The following RECK variants were observed in gnomAD, a reference collection of about 807,000 sequenced individuals.
RECK encodes the protein reversion-inducing cysteine-rich protein with Kazal motifs.
In RECK, 69 loss-of-function variants were observed where a neutral mutation model predicts 115.1. That is an observed-to-expected ratio of 0.60 (90% CI 0.49 to 0.73). The LOEUF (loss-of-function observed/expected upper bound fraction) is 0.73, where lower values mean the gene tolerates loss of function less well. Among genes scored for constraint, RECK ranks in the 30% least tolerant of loss-of-function variants. The probability of loss-of-function intolerance (pLI) is 0.00; values close to 1 mark genes in which losing one functional copy is unlikely to be tolerated. For synonymous variants in RECK, 414 were observed against 419.7 expected, an observed-to-expected ratio of 0.99 and a Z score of 0.17; for missense variants, 1,047 against 1,203.7, an observed-to-expected ratio of 0.87 and a Z score of 1.93.
intron 1 of RECK, among the ~76,000 whole-genome samples, chr9:36,038,216 G>A (rs1820745570): frequency 6.6e-6 from 1 of 151,996 alleles, no homozygotes. Flanking sequence ...GCGAGGCTGA[G>A]ATACGAGGAT....
chr9:36,038,196 C>T (rs964199860), intron 1 of RECK, among the ~76,000 whole-genome samples: 1 of 151,894 alleles, frequency 6.6e-6, no homozygotes, highest in African/African-American at 2.4e-5. Flanking sequence ...GCCTGTTGTT[C>T]CAGCTACCCG....
At chr9:36,069,891 C>T (rs12346729) in intron 6 of RECK, among the ~76,000 whole-genome samples, 13,364 of 152,106 alleles carry the variant, frequency 0.088, 716 homozygotes, top group East Asian at 0.29. Flanking sequence ...AGAAGACCAA[C>T]GACTGATTTC....
chr9:36,043,010 C>CTTTTTT lies in RECK; in HGVS notation c.100+5937_100+5942dup, dbSNP rs61673918. 5.3e-3 allele frequency among the ~76,000 whole-genome samples: 318 copies of CTTTTTT among 59,464 alleles called. 64 individuals carry two copies. The highest frequency in any genetic ancestry group is 0.013 in the East Asian group (19 of 1,482). 39.0% of individuals were successfully genotyped at this position (59,464 alleles called of 152,430 possible). Reference sequence around the variant, plus strand: ...ACTGTCTATTCATGTCCTTAGCCCACTTTTTTTTTTTTTTTTTTTTTTTTT... The same window carrying CTTTTTT: ...ACTGTCTATTCATGTCCTTAGCCCACTTTTTTTTTTTTTTTTTTTTTTTTTTTTTTT... On this transcript the variant is annotated intron_variant, in intron 1 of 20. Transcript: ENST00000377966.
intron 10 of RECK, among the ~76,000 whole-genome samples, chr9:36,092,684 G>A (rs892779386): frequency 6.6e-6 from 1 of 151,560 alleles, no homozygotes; most frequent in African/African-American, 2.4e-5. Flanking sequence ...GAGCCACCAC[G>A]AGTGGCCAAC....
At chr9:36,079,513 A>G (rs1046078112) in intron 6 of RECK, among the ~76,000 whole-genome samples, 1 of 152,226 alleles carries the variant, frequency 6.6e-6, no homozygotes, top group Admixed American at 6.5e-5. Flanking sequence ...AGTGTGGCAT[A>G]TTCCTACAAT....
intron 6 of RECK, among the ~76,000 whole-genome samples, chr9:36,077,908 G>A (rs1822512991): frequency 6.6e-6 from 1 of 152,086 alleles, no homozygotes; most frequent in Admixed American, 6.6e-5. Flanking sequence ...TGCTTAGCGT[G>A]AGGTAGCCAT....
chr9:36,098,103 CAA>C (rs898817378), intron 10 of RECK, among the ~76,000 whole-genome samples: 5 of 152,044 alleles, frequency 3.3e-5, no homozygotes, highest in African/African-American at 1.2e-4. Flanking sequence ...TCAAAGGACA[CAA>C]AATTTTATTT....
At chr9:36,065,316 T>G (rs531557152) in intron 5 of RECK, among the ~76,000 whole-genome samples, 1 of 151,528 alleles carries the variant, frequency 6.6e-6, no homozygotes, top group Non-Finnish European at 1.5e-5. Flanking sequence ...AAGGACTGTG[T>G]TGTTATGTGA....
At chr9:36,083,920 T>C (rs1041514407) in intron 8 of RECK, among the ~76,000 whole-genome samples, 1 of 152,128 alleles carries the variant, frequency 6.6e-6, no homozygotes, top group African/African-American at 2.4e-5. Flanking sequence ...CTTATATAAA[T>C]TTGCAAAAAT....
At chr9:36,060,051 T>C in intron 3 of RECK, 68 bp from the exon 4 acceptor site, 1 of 1,413,760 alleles carries the variant, frequency 7.1e-7, no homozygotes, top group Non-Finnish European at 1.0e-6. Flanking sequence ...ATAATTTCTG[T>C]AGAAATTAAT....
intron 2 of RECK, 100 bp downstream of exon 2, chr9:36,052,423 A>G (rs1019567811): frequency 4.9e-6 from 4 of 811,198 alleles, no homozygotes; most frequent in Non-Finnish European, 8.5e-6. Flanking sequence ...GCTTAAGGCC[A>G]GGGGTTCAGG....
chr9:36,096,405 C>T (rs188200796), intron 10 of RECK, among the ~76,000 whole-genome samples: 3 of 146,814 alleles, frequency 2.0e-5, no homozygotes, highest in East Asian at 4.1e-4. Flanking sequence ...GACATGGTGT[C>T]GGGCACCTGT....
chr9:36,048,981 C>A (rs1821180801), intron 1 of RECK, among the ~76,000 whole-genome samples: 2 of 152,116 alleles, frequency 1.3e-5, no homozygotes, highest in South Asian at 4.1e-4. Flanking sequence ...CCCATGACCC[C>A]CTCAGGTTCA....
At chr9:36,064,444 A>G (rs1480533419) in intron 5 of RECK, among the ~76,000 whole-genome samples, 1 of 152,202 alleles carries the variant, frequency 6.6e-6, no homozygotes, top group South Asian at 2.1e-4. Context: ...TCAGAGAGGA[A>G]AAACTAGCCT....
Position 36,123,868 on chromosome 9 carries a change from T to C in RECK, c.*823T>C, listed in dbSNP as rs1015389265. 1.3e-5 allele frequency: 2 copies of C among 152,690 alleles called. No homozygotes were observed. The highest frequency in any genetic ancestry group is 2.9e-5 in the Non-Finnish European group (2 of 68,042). 9.5% of individuals were successfully genotyped at this position (152,690 alleles called of 1,614,324 possible). A position where few individuals can be genotyped will look rare whatever the true frequency, so the allele number is the denominator to read the frequency against. On this transcript the variant is annotated 3_prime_UTR_variant, in exon 21 of 21. Transcript: ENST00000377966. Reference sequence around the variant, plus strand: ...TCTTTAAACCAATTGCTGCTACTTATATAATTGCCAAAAAGTGAAATAATG... The same window carrying C: ...TCTTTAAACCAATTGCTGCTACTTACATAATTGCCAAAAAGTGAAATAATG...
chr9:36,094,073 C>G lies in RECK; in HGVS notation c.1085+2730C>G, dbSNP rs1006710870. ...AAAAAACAACCTCAGAATTTTCTGC[C>G]AGCAATCTCTCACTACAAGAAATTC... On this transcript the variant is annotated intron_variant, in intron 10 of 20. Transcript: ENST00000377966. This position sits in a 1 kb window ranked among gnomAD's most constrained non-coding sequence, Gnocchi z 4.1. 3.3e-5 allele frequency among the ~76,000 whole-genome samples: 5 copies of G among 151,962 alleles called. No individual in the cohort carries two copies. Among genetic ancestry groups the G allele is most frequent in the African/African-American group, 7.2e-5 (3 of 41,386 alleles).
rs1362470365 is a variant in RECK, at chr9:36,102,194, G to A, written c.1399G>A (p.Asp467Asn). 1.2e-6 allele frequency: 2 copies of A among 1,613,606 alleles called. No homozygotes were observed. Among genetic ancestry groups the A allele is most frequent in the South Asian group, 2.2e-5 (2 of 91,022 alleles). ...TTGTGAGCTTCTGTCACCTACAGAT[G>A]ATCTGAAGAATTGTATACCTTTGGA... Reference protein sequence around the residue: ...SICELLSPTDDLKNCIPLDTY... With the variant: ...SICELLSPTDNLKNCIPLDTY... Residue 467 changes from aspartate to asparagine, a missense_variant, in exon 12 of 21, where the codon GAT becomes AAT. Physicochemically the swap from Asp to Asn is conservative, Grantham distance 23. Coordinates refer to ENST00000377966, the MANE Select transcript of RECK (RefSeq NM_021111.3).
intron 1 of RECK, among the ~76,000 whole-genome samples, chr9:36,051,807 T>C (rs1821313915): frequency 6.6e-6 from 1 of 152,224 alleles, no homozygotes; most frequent in African/African-American, 2.4e-5. Context: ...CAGGCCTGAA[T>C]TTCTGAGTTT....
intron 1 of RECK, among the ~76,000 whole-genome samples, chr9:36,044,470 C>A (rs1056831801): frequency 5.1e-4 from 77 of 152,220 alleles, no homozygotes; most frequent in African/African-American, 1.8e-3. Context: ...CCCTTGATTT[C>A]TTTCTCTTGT....
Sources: allele counts gnomAD v4.1 joint callset (sites outside exome capture counted in the v4.1 genomes callset), GRCh38; gene constraint gnomAD v4.1.1; non-coding constraint Gnocchi (gnomAD v3.1); transcripts MANE v1.5; gene names NCBI Gene and HGNC (gene_info 2026-07-23, HGNC 2026-07-21).